Variants in GALNT15 observed in about 807,000 individuals in gnomAD.
GALNT15 encodes UDP-GalNAc transferase T15.
A neutral mutation model predicts 66.8 loss-of-function variants in GALNT15; 67 were observed. That is an observed-to-expected ratio of 1.00 (90% CI 0.82 to 1.23). The LOEUF (loss-of-function observed/expected upper bound fraction) is 1.23, where lower values mean the gene tolerates loss of function less well. Ranked by LOEUF, GALNT15 falls within the 50% of genes most tolerant of loss-of-function variation. The probability of loss-of-function intolerance (pLI) is 0.00; values close to 1 mark genes in which losing one functional copy is unlikely to be tolerated. For missense variants in GALNT15, 827 were observed against 804.3 expected (o/e 1.03, Z -0.34); for synonymous variants, 313 against 311.5 (o/e 1.00, Z -0.05).
the GALNT15 span, among the ~76,000 whole-genome samples, chr3:16,237,559 A>C: frequency 6.6e-6 from 1 of 152,160 alleles, no homozygotes; most frequent in Non-Finnish European, 1.5e-5. This position sits in a 1 kb window ranked among gnomAD's most constrained non-coding sequence, Gnocchi z 4.2. Context: ...GTGAGCCTTC[A>C]CCATGCACAA....
chr3:16,202,335 C>CA (rs372055405), intron 3 of GALNT15, among the ~76,000 whole-genome samples: 2 of 152,124 alleles, frequency 1.3e-5, no homozygotes, highest in African/African-American at 4.8e-5. Context: ...AACTAGGACA[C>CA]AAAAATGCAC....
At chr3:16,230,906 T>C (rs1052122885), downstream of GALNT15, among the ~76,000 whole-genome samples, 7 of 152,072 alleles carry the variant, frequency 4.6e-5, no homozygotes, top group African/African-American at 1.7e-4. This position sits in a 1 kb window ranked among gnomAD's most constrained non-coding sequence, Gnocchi z 4.5. Context: ...TTAATAATAG[T>C]CCCTCCATTG....
downstream of GALNT15, chr3:16,231,934 C>G (rs1232841212): frequency 1.3e-6 from 2 of 1,533,296 alleles, no homozygotes; most frequent in African/African-American, 2.7e-5. The surrounding 1 kb of genome is among the most constrained non-coding windows in gnomAD (Gnocchi z 4.1). Context: ...CTCCTCTAGG[C>G]ACAGATCAAG....
At chr3:16,246,827 A>G in the GALNT15 span, among the ~76,000 whole-genome samples, 1 of 152,234 alleles carries the variant, frequency 6.6e-6, no homozygotes, top group Non-Finnish European at 1.5e-5. Flanking sequence ...TACAGGAATA[A>G]AATATTTTAA....
downstream of GALNT15, among the ~76,000 whole-genome samples, chr3:16,235,647 TATAA>T (rs1448012987): frequency 1.2e-4 from 18 of 152,168 alleles, no homozygotes; most frequent in Admixed American, 1.2e-3. Context: ...TAGTCCTCAA[TATAA>T]AGTTATTTGC....
In GALNT15 at chr3:16,208,629, G is replaced by A. The variant is rs958216507; in HGVS notation, c.1038G>A (p.Glu346=). ...ATTTCCACTGGGAACCTTTGCCAGA[G>A]CATGTGAGGAAGGCCCTCCAGTCCC... ...KLDFHWEPLP[E]HVRKALQSPI... Residue 346 remains glutamate (E), a synonymous_variant, in exon 4 of 10, where the codon GAG becomes GAA. Coordinates refer to ENST00000339732, the MANE Select transcript of GALNT15 (RefSeq NM_054110.5). 2 of 1,614,122 alleles carry A rather than the reference G, an allele frequency of 1.2e-6. No individual in the cohort carries two copies. The highest frequency in any genetic ancestry group is 8.5e-7 in the Non-Finnish European group (1 of 1,180,012).
In GALNT15 at chr3:16,181,766, T is replaced by C. The variant is rs1447692503; in HGVS notation, c.539+6076T>C. ...GACCTGGGGCTGGAACTTAGCTCAATTCCCCCCACAAGAGAGGGAAGACAA... is the reference window on the plus strand; with the variant it reads ...GACCTGGGGCTGGAACTTAGCTCAACTCCCCCCACAAGAGAGGGAAGACAA... On this transcript the variant is annotated intron_variant, in intron 1 of 9. Coordinates refer to ENST00000339732, the MANE Select transcript of GALNT15 (RefSeq NM_054110.5). This position sits in a 1 kb window ranked among gnomAD's most constrained non-coding sequence, Gnocchi z 5.9. Among the ~76,000 whole-genome samples the C allele has an allele frequency of 6.6e-6, 1 of 152,140 alleles. No individual in the cohort carries two copies. The highest frequency in any genetic ancestry group is 1.5e-5 in the Non-Finnish European group (1 of 68,016).
At chr3:16,185,460 T>C (rs916046098) in intron 1 of GALNT15, among the ~76,000 whole-genome samples, 1 of 152,100 alleles carries the variant, frequency 6.6e-6, no homozygotes, top group African/African-American at 2.4e-5. Context: ...GTTCCCTCGG[T>C]AATGGAGAGC....
At chr3:16,233,475 C>A (rs903664024), downstream of GALNT15, among the ~76,000 whole-genome samples, 1 of 152,114 alleles carries the variant, frequency 6.6e-6, no homozygotes, top group African/African-American at 2.4e-5. Context: ...TTCCTCTTTC[C>A]CATTCTGTCC....
chr3:16,225,998 G>A lies in GALNT15; in HGVS notation c.1774-1356G>A, dbSNP rs1027379020. On this transcript the variant is annotated intron_variant, in intron 9 of 9. Coordinates refer to ENST00000339732, the MANE Select transcript of GALNT15 (RefSeq NM_054110.5). This position sits in a 1 kb window ranked among gnomAD's most constrained non-coding sequence, Gnocchi z 4.4. ...TGGGAGATGGAGGTTGCAATGAGCC[G>A]AGATCACACCACTGTACTCCCGCCT... Among the ~76,000 whole-genome samples, 27 of 150,266 alleles carry A rather than the reference G, an allele frequency of 1.8e-4. No homozygotes were observed. The highest frequency in any genetic ancestry group is 5.7e-4 in the African/African-American group (23 of 40,640).
At position 16,187,574 on chromosome 3, in the gene GALNT15, A is replaced by G. The variant is rs905944; in HGVS notation, c.540-8186A>G. Among the ~76,000 whole-genome samples, 133,773 of 152,228 alleles carry G rather than the reference A, an allele frequency of 0.88. 59,224 individuals carry two copies. Among genetic ancestry groups the G allele is most frequent in the East Asian group, 1 (5,138 of 5,152 alleles). ...AAGGCCTTGAGGCTTAATCTTGGGAATTCTCGAATGTCACTTCTAGTACAT... is the reference window on the plus strand; with the variant it reads ...AAGGCCTTGAGGCTTAATCTTGGGAGTTCTCGAATGTCACTTCTAGTACAT... On this transcript the variant is annotated intron_variant, in intron 1 of 9. Transcript: ENST00000339732. This position sits in a 1 kb window ranked among gnomAD's most constrained non-coding sequence, Gnocchi z 5.1.
rs2063488847 is a variant in GALNT15 at position 16,183,445 on chromosome 3, C to A, written c.539+7755C>A. Among the ~76,000 whole-genome samples, 1 of 152,224 alleles carries A rather than the reference C, an allele frequency of 6.6e-6. No individual in the cohort carries two copies. The highest frequency in any genetic ancestry group is 1.9e-4 in the East Asian group (1 of 5,196). Reference sequence around the variant, plus strand: ...CTAGGATTTTCTTGCAATGGAGGAACTTGGCTCTGTGGGATTACTCCCCTG... The same window carrying A: ...CTAGGATTTTCTTGCAATGGAGGAAATTGGCTCTGTGGGATTACTCCCCTG... On this transcript the variant is annotated intron_variant, in intron 1 of 9. Coordinates refer to ENST00000339732, the MANE Select transcript of GALNT15 (RefSeq NM_054110.5). The surrounding 1 kb of genome is among the most constrained non-coding windows in gnomAD (Gnocchi z 5.2).
At chr3:16,242,550 GA>G in the GALNT15 span, among the ~76,000 whole-genome samples, 1 of 151,854 alleles carries the variant, frequency 6.6e-6, no homozygotes, top group Non-Finnish European at 1.5e-5. The surrounding 1 kb of genome is among the most constrained non-coding windows in gnomAD (Gnocchi z 5.6). Flanking sequence ...TTGCGCCCAG[GA>G]ATTCGAGACC....
chr3:16,214,667 T>C (rs2063854046), intron 6 of GALNT15, among the ~76,000 whole-genome samples: 1 of 152,116 alleles, frequency 6.6e-6, no homozygotes, highest in African/African-American at 2.4e-5. Flanking sequence ...GGAGCTCCTC[T>C]GGAAGAGATA....
downstream of GALNT15, among the ~76,000 whole-genome samples, chr3:16,234,068 A>C (rs1160134848): frequency 1.3e-5 from 2 of 152,250 alleles, no homozygotes; most frequent in African/African-American, 4.8e-5. Context: ...TCTAATAGCT[A>C]AACATGAAAT....
intron 6 of GALNT15, among the ~76,000 whole-genome samples, chr3:16,213,015 G>C (rs2063833617): frequency 6.6e-6 from 1 of 152,114 alleles, no homozygotes. Flanking sequence ...ACATCTATGG[G>C]ATGGGATCCC....
Position 16,204,136 on chromosome 3 carries a change from C to G in GALNT15, c.911+3313C>G, listed in dbSNP as rs1234898079. ...CTCTTTCAAAGAGCCGTAGCCTCCT[C>G]CACACCCTGGCCAAGGAATTCAGAG... On this transcript the variant is annotated intron_variant, in intron 3 of 9. Coordinates refer to ENST00000339732, the MANE Select transcript of GALNT15 (RefSeq NM_054110.5). The surrounding 1 kb of genome is among the most constrained non-coding windows in gnomAD (Gnocchi z 4.5). Among the ~76,000 whole-genome samples, 5 of 152,108 alleles carry G rather than the reference C, an allele frequency of 3.3e-5. No individual in the cohort carries two copies. Among genetic ancestry groups the G allele is most frequent in the Non-Finnish European group, 7.4e-5 (5 of 68,018 alleles).
chr3:16,200,130 G>A lies in GALNT15; in HGVS notation c.707-489G>A, dbSNP rs1266052793. ...AAGTGAGAGAAAGAGAGAGAGAGAGGAGGAAAAACTATCAAACACTTATAT... is the reference window on the plus strand; with the variant it reads ...AAGTGAGAGAAAGAGAGAGAGAGAGAAGGAAAAACTATCAAACACTTATAT... On this transcript the variant is annotated intron_variant, in intron 2 of 9. Coordinates refer to ENST00000339732, the MANE Select transcript of GALNT15 (RefSeq NM_054110.5). This position sits in a 1 kb window ranked among gnomAD's most constrained non-coding sequence, Gnocchi z 4.4. Among the ~76,000 whole-genome samples, 1 of 147,888 alleles carries A rather than the reference G, an allele frequency of 6.8e-6. No individual in the cohort carries two copies. The highest frequency in any genetic ancestry group is 1.5e-5 in the Non-Finnish European group (1 of 66,916).
At chr3:16,248,044 C>G in the GALNT15 span, among the ~76,000 whole-genome samples, 1 of 152,234 alleles carries the variant, frequency 6.6e-6, no homozygotes, top group Non-Finnish European at 1.5e-5. The surrounding 1 kb of genome is among the most constrained non-coding windows in gnomAD (Gnocchi z 4.9). Flanking sequence ...ATTTTCACTA[C>G]AGTCGTTTTT....
Sources: allele counts gnomAD v4.1 joint callset (sites outside exome capture counted in the v4.1 genomes callset), GRCh38; gene constraint gnomAD v4.1.1; non-coding constraint Gnocchi (gnomAD v3.1); transcripts MANE v1.5; gene names NCBI Gene and HGNC (gene_info 2026-07-23, HGNC 2026-07-21).